DKK3: variants seen among roughly 807,000 people sequenced by gnomAD.
The protein encoded by DKK3 is dickkopf Wnt signaling pathway inhibitor 3.
DKK3 carries 22 observed loss-of-function variants against 33.2 expected under a neutral mutation model. The observed-to-expected ratio is 0.66, with a 90% CI of 0.47 to 0.95. The LOEUF (loss-of-function observed/expected upper bound fraction) is 0.95, where lower values mean the gene tolerates loss of function less well. Among genes scored for constraint, DKK3 ranks in the 40% least tolerant of loss-of-function variants. DKK3 has a pLI of 0.00. For synonymous variants in DKK3, 194 were observed against 188.8 expected, an observed-to-expected ratio of 1.03 and a Z score of -0.23; for missense variants, 398 against 458.4, an observed-to-expected ratio of 0.87 and a Z score of 1.20.
At chr11:11,970,433 T>A in intron 3 of DKK3, among the ~76,000 whole-genome samples, 1 of 152,192 alleles carries the variant, frequency 6.6e-6, no homozygotes, top group East Asian at 1.9e-4. Context: ...TAACACCATT[T>A]TTTTCACTTA....
rs547851834 is a variant in DKK3 at position 11,964,492 on chromosome 11, G to A, written c.1025C>T (p.Ala342Val). 322 of 1,612,808 alleles carry A rather than the reference G, an allele frequency of 2.0e-4. 3 individuals carry two copies. The South Asian group carries it at 3.4e-3, about 17-fold the overall frequency. ...AATCTCTTCCCCTCCCAGCAGTGCA[G>A]CGGCGGCAGCCGCAGGCTCCCTCAG... The part of the protein sequence containing the change: ...MALREPAAAA[A>V]ALLGGEEI Residue 342 changes from alanine to valine, a missense_variant, in exon 7 of 7, where the codon GCT becomes GTT. Ala to Val is a moderately conservative substitution (Grantham distance 64, BLOSUM62 0). Coordinates refer to ENST00000683431, the MANE Select transcript of DKK3 (RefSeq NM_001018057.2).
chr11:11,965,129 T>C (rs532510471), intron 6 of DKK3, among the ~76,000 whole-genome samples: 9 of 152,294 alleles, frequency 5.9e-5, no homozygotes, highest in Non-Finnish European at 1.2e-4. Context: ...AAAAAATTAA[T>C]GTGTTTGGTA....
chr11:11,971,612 T>C (rs1847727160), intron 3 of DKK3, among the ~76,000 whole-genome samples: 1 of 152,236 alleles, frequency 6.6e-6, no homozygotes, highest in Admixed American at 6.5e-5. Flanking sequence ...AAGGCCTTCG[T>C]AGACTTGCGA....
At chr11:11,969,922 A>C (rs926425707) in intron 3 of DKK3, among the ~76,000 whole-genome samples, 2 of 152,218 alleles carry the variant, frequency 1.3e-5, no homozygotes, top group African/African-American at 4.8e-5. Flanking sequence ...AAGAAAACCG[A>C]GGCTCCGAGT....
chr11:11,981,668 G>A (rs149493282), intron 3 of DKK3, among the ~76,000 whole-genome samples: 85 of 152,160 alleles, frequency 5.6e-4, no homozygotes, highest in Admixed American at 1.0e-3. Flanking sequence ...ATCATGGTGG[G>A]GTTTGTGCCC....
intron 1 of DKK3, among the ~76,000 whole-genome samples, chr11:12,007,817 A>G (rs1848569030): frequency 6.6e-6 from 1 of 152,194 alleles, no homozygotes; most frequent in Non-Finnish European, 1.5e-5. Flanking sequence ...TCCGCCACTC[A>G]TACAGTGCTG....
chr11:11,987,423 C>T (rs1462682736), intron 3 of DKK3, among the ~76,000 whole-genome samples: 1 of 152,208 alleles, frequency 6.6e-6, no homozygotes, highest in African/African-American at 2.4e-5. Context: ...ACATCCCTCC[C>T]ATCTCTGATT....
chr11:12,003,317 G>A (rs1164336334), intron 1 of DKK3, among the ~76,000 whole-genome samples: 1 of 152,106 alleles, frequency 6.6e-6, no homozygotes, highest in African/African-American at 2.4e-5. Flanking sequence ...GGGTACCCTT[G>A]TAGGAAATCC....
In DKK3 at chr11:12,008,398, T is replaced by G. The variant is rs1413113576; in HGVS notation, c.185A>C (p.Gln62Pro). 6.2e-7 allele frequency: 1 copy of G among 1,608,216 alleles called. No individual in the cohort carries two copies. Among genetic ancestry groups the G allele is most frequent in the Admixed American group, 1.7e-5 (1 of 59,586 alleles). ...REVEELMEDT[Q>P]HKLRSAVEEM... is the part of the protein sequence containing the mutation. ...TTCCACCGCGCTGCGCAATTTGTGCTGCGTGTCCTCCATCAGTTCCTCAAC... is the reference window on the plus strand; with the variant it reads ...TTCCACCGCGCTGCGCAATTTGTGCGGCGTGTCCTCCATCAGTTCCTCAAC... Residue 62 changes from glutamine (Q) to proline (P), a missense_variant, in exon 1 of 7, where the codon CAG (glutamine) becomes CCG (proline). By Grantham distance (76) the Gln-to-Pro change is moderately conservative. Coordinates refer to ENST00000683431, the MANE Select transcript of DKK3 (RefSeq NM_001018057.2). This position sits in a 1 kb window ranked among gnomAD's most constrained non-coding sequence, Gnocchi z 4.6.
chr11:11,989,111 A>C (rs530447457), intron 3 of DKK3, among the ~76,000 whole-genome samples: 1 of 152,366 alleles, frequency 6.6e-6, no homozygotes, highest in South Asian at 2.1e-4. Flanking sequence ...GGAATGCAAA[A>C]TGGCGCAGCC....
chr11:12,008,280 T>G lies in DKK3; in HGVS notation c.213+90A>C. 6 of 1,462,368 alleles carry G rather than the reference T, an allele frequency of 4.1e-6. No individual in the cohort carries two copies. Among genetic ancestry groups the G allele is most frequent in the South Asian group, 1.4e-5 (1 of 72,716 alleles). 90.6% of individuals were successfully genotyped at this position (1,462,368 alleles called of 1,614,324 possible). ...CCCAGGCCCTGCGCGGGACCCGAGG[T>G]CCCTGGCCAGCGCTCTTCCATGCCT... On this transcript the variant is annotated intron_variant, in intron 1 of 6. Coordinates refer to ENST00000683431, the MANE Select transcript of DKK3 (RefSeq NM_001018057.2). This position sits in a 1 kb window ranked among gnomAD's most constrained non-coding sequence, Gnocchi z 4.6.
chr11:11,985,300 A>T (rs763024925), intron 3 of DKK3, among the ~76,000 whole-genome samples: 2 of 152,238 alleles, frequency 1.3e-5, no homozygotes, highest in South Asian at 4.1e-4. Context: ...CAAGACTCAG[A>T]CAAAAGGCTC....
In DKK3 at chr11:12,002,376, G is replaced by T. The variant is rs1488738679; in HGVS notation, c.275C>A (p.Pro92His). The T allele has an allele frequency of 6.2e-7, 1 of 1,613,916 alleles. No individual in the cohort carries two copies. Among genetic ancestry groups the T allele is most frequent in the East Asian group, 2.2e-5 (1 of 44,862 alleles). The change falls in exon 2 of 7, where the codon CCC (proline) becomes CAC (histidine). Residue 92 changes from proline to histidine, a missense_variant. By Grantham distance (77) the Pro-to-His change is moderately conservative. Transcript: ENST00000683431. ...TGTGTTGGTCTCATTGTGATAGCTGGGAGGTAAGTTTGCCAGGTTCACTTC... is the reference window on the plus strand; with the variant it reads ...TGTGTTGGTCTCATTGTGATAGCTGTGAGGTAAGTTTGCCAGGTTCACTTC... ...SSEVNLANLP[P>H]SYHNETNTDT...
chr11:12,000,858 C>T (rs983977613), intron 2 of DKK3, among the ~76,000 whole-genome samples: 8 of 152,114 alleles, frequency 5.3e-5, no homozygotes, highest in African/African-American at 1.7e-4. Context: ...AGAACTACTG[C>T]ACTGTGTTAA....
In DKK3 at chr11:12,008,252, C is replaced by G. The variant is rs1412292212; in HGVS notation, c.213+118G>C. ...GGTCACTCCGCATCTGCTGTCGGCCCTTCCCAGGCCCTGCGCGGGACCCGA... is the reference window on the plus strand; with the variant it reads ...GGTCACTCCGCATCTGCTGTCGGCCGTTCCCAGGCCCTGCGCGGGACCCGA... On this transcript the variant is annotated intron_variant, in intron 1 of 6. Transcript: ENST00000683431. The surrounding 1 kb of genome is among the most constrained non-coding windows in gnomAD (Gnocchi z 4.6). The G allele has an allele frequency of 7.4e-7, 1 of 1,343,434 alleles. No homozygotes were observed. The highest frequency in any genetic ancestry group is 9.9e-7 in the Non-Finnish European group (1 of 1,008,454). 83.2% of individuals were successfully genotyped at this position (1,343,434 alleles called of 1,614,324 possible).
At chr11:12,004,030 T>A (rs1848485501) in intron 1 of DKK3, among the ~76,000 whole-genome samples, 1 of 152,230 alleles carries the variant, frequency 6.6e-6, no homozygotes, top group South Asian at 2.1e-4. Context: ...ACTGGCTTCA[T>A]AACAATAATA....
At chr11:11,981,038 AG>A (rs1468267372) in intron 3 of DKK3, among the ~76,000 whole-genome samples, 1 of 152,210 alleles carries the variant, frequency 6.6e-6, no homozygotes, top group Non-Finnish European at 1.5e-5. Flanking sequence ...AACAGAAAAT[AG>A]CAGGGGGCTG....
intron 3 of DKK3, among the ~76,000 whole-genome samples, chr11:11,973,370 A>C (rs951740699): frequency 9.9e-5 from 15 of 152,114 alleles, no homozygotes; most frequent in African/African-American, 3.6e-4. Flanking sequence ...CCTGCCCGGG[A>C]CAGGGCTCTG....
chr11:11,986,419 T>C (rs925506503), intron 3 of DKK3, among the ~76,000 whole-genome samples: 2 of 152,142 alleles, frequency 1.3e-5, no homozygotes, highest in African/African-American at 2.4e-5. Flanking sequence ...CAAAAGAAAG[T>C]AGGTGTGAGA....
Sources: gnomAD v4.1 joint callset for allele counts (sites outside exome capture counted in the v4.1 genomes callset) on GRCh38, gnomAD v4.1.1 for gene constraint, Gnocchi (gnomAD v3.1) non-coding constraint, MANE v1.5 for transcripts, NCBI Gene and HGNC (gene_info 2026-07-23, HGNC 2026-07-21) for gene names.